The following ETV1 variants were observed in gnomAD, a reference collection of about 807,000 sequenced individuals.
ETV1 encodes ETS variant transcription factor 1, also known as ETS translocation variant 1.
Under a neutral mutation model 62.3 loss-of-function variants are expected in ETV1, and 27 were observed. That is an observed-to-expected ratio of 0.43 (90% CI 0.32 to 0.60). ETV1 has a LOEUF of 0.60. Among genes scored for constraint, ETV1 ranks in the 20% least tolerant of loss-of-function variants. The pLI is 0.06. For missense variants in ETV1, 605 were observed against 605.8 expected (o/e 1.00, Z 0.01); for synonymous variants, 222 against 199.6 (o/e 1.11, Z -0.94).
intron 12 of ETV1, among the ~76,000 whole-genome samples, chr7:13,905,122 T>G (rs549521981): frequency 6.6e-6 from 1 of 151,952 alleles, no homozygotes; most frequent in African/African-American, 2.4e-5. Context: ...TTTCATACTT[T>G]CAGTACATTC....
chr7:13,974,813 TG>T (rs1322238901), intron 6 of ETV1: 7 of 152,388 alleles, frequency 4.6e-5, no homozygotes, highest in African/African-American at 1.7e-4. Context: ...CTGTTGGACT[TG>T]CTGAGTGTAA....
At chr7:13,955,785 G>T (rs868805968) in intron 6 of ETV1, among the ~76,000 whole-genome samples, 2 of 152,132 alleles carry the variant, frequency 1.3e-5, no homozygotes, top group East Asian at 1.9e-4. Flanking sequence ...AAGAATTTTT[G>T]AATTATATTA....
chr7:13,926,451 T>G (rs867355237), intron 9 of ETV1, among the ~76,000 whole-genome samples: 16 of 152,340 alleles, frequency 1.1e-4, no homozygotes, highest in South Asian at 2.1e-4. Context: ...CTGGACATTC[T>G]GAATTTGCAA....
chr7:13,989,414 G>A lies in ETV1; in HGVS notation c.-234C>T. The A allele has an allele frequency of 2.3e-6, 1 of 432,544 alleles. No individual in the cohort carries two copies. The highest frequency in any genetic ancestry group is 2.0e-5 in the African/African-American group (1 of 49,180). 26.8% of individuals were successfully genotyped at this position (432,544 alleles called of 1,614,324 possible). A position where few individuals can be genotyped will look rare whatever the true frequency, so the allele number is the denominator to read the frequency against. On this transcript the variant is annotated 5_prime_UTR_variant, in exon 2 of 14. Coordinates refer to ENST00000430479, the MANE Select transcript of ETV1 (RefSeq NM_004956.5). ...CCGGGCAGCTCTGATTCGCAAACGT[G>A]TGCAAAACTAGCAATGGCGATCAAC...
rs1781489995 is a variant in ETV1, at chr7:13,893,105, G to C, written c.*2761C>G. ...AAAAATTATTTTTACTTAGTTATTT[G>C]AGTATAAGTGTTTGTTGCAATTAAT... On this transcript the variant is annotated 3_prime_UTR_variant, in exon 14 of 14. Coordinates refer to ENST00000430479, the MANE Select transcript of ETV1 (RefSeq NM_004956.5). The C allele has an allele frequency of 4.3e-6, 1 of 232,608 alleles. No homozygotes were observed. The highest frequency in any genetic ancestry group is 8.5e-6 in the Non-Finnish European group (1 of 117,702). 14.4% of individuals were successfully genotyped at this position (232,608 alleles called of 1,614,324 possible).
rs1241767322 is a variant in ETV1, at chr7:13,896,700, G to GAAAGAAAGAAAGGAGAGAC, written c.1213-614_1213-613insGTCTCTCCTTTCTTTCTTT. Among the ~76,000 whole-genome samples, 187 of 136,072 alleles carry GAAAGAAAGAAAGGAGAGAC rather than the reference G, an allele frequency of 1.4e-3. 3 individuals carry two copies. Among genetic ancestry groups the GAAAGAAAGAAAGGAGAGAC allele is most frequent in the African/African-American group, 4.7e-3 (176 of 37,190 alleles). The allele number at this position is 136,072 out of a possible 152,430, so 89.3% of individuals were successfully genotyped here. On this transcript the variant is annotated intron_variant, in intron 13 of 13. Transcript: ENST00000430479. ...TAAAGAAAGAAAGAAAAGAGAGAGA[G>GAAAGAAAGAAAGGAGAGAC]AAAGAAAGAAAGGAGAGAGAAAGAA...
chr7:13,946,909 C>A (rs1788230540), intron 6 of ETV1, among the ~76,000 whole-genome samples: 1 of 152,226 alleles, frequency 6.6e-6, no homozygotes, highest in Non-Finnish European at 1.5e-5. Context: ...CGGCCTCAGC[C>A]TCCCAAGTAG....
chr7:13,909,566 G>C (rs969347029), intron 11 of ETV1, 66 bp downstream of exon 11: 12 of 1,168,996 alleles, frequency 1.0e-5, no homozygotes, highest in Admixed American at 7.2e-5. Flanking sequence ...ACTGTTTTCA[G>C]AAGAAGCGAA....
rs1781392108 is a variant in ETV1, at chr7:13,891,689, T to C, written c.*4177A>G. 1 of 232,006 alleles carries C rather than the reference T, an allele frequency of 4.3e-6. No individual in the cohort carries two copies. Among genetic ancestry groups the C allele is most frequent in the Non-Finnish European group, 8.5e-6 (1 of 117,412 alleles). 14.4% of individuals were successfully genotyped at this position (232,006 alleles called of 1,614,324 possible). A position where few individuals can be genotyped will look rare whatever the true frequency, so the allele number is the denominator to read the frequency against. On this transcript the variant is annotated 3_prime_UTR_variant, in exon 14 of 14. Transcript: ENST00000430479. The stretch of plus-strand genomic sequence containing the variant: ...ATTTTCTAGTATCATGCCCAACTAT[T>C]ACCATCTTTTTGAAACTTGATTTTT...
At chr7:13,989,787 T>C (rs1782882111), upstream of ETV1, 5 of 394,384 alleles carry the variant, frequency 1.3e-5, no homozygotes, top group Admixed American at 2.2e-4. Flanking sequence ...TTTCGGGCTG[T>C]CAATCAGGCG....
chr7:13,918,980 C>T (rs190485641), intron 9 of ETV1, among the ~76,000 whole-genome samples: 1 of 151,830 alleles, frequency 6.6e-6, no homozygotes, highest in Non-Finnish European at 1.5e-5. Context: ...ATCCTCTAGC[C>T]CCAAATACTG....
At chr7:13,917,725 G>A (rs1784342219) in intron 9 of ETV1, among the ~76,000 whole-genome samples, 1 of 151,968 alleles carries the variant, frequency 6.6e-6, no homozygotes, top group African/African-American at 2.4e-5. Context: ...AGAACTTTGG[G>A]AGGCCAAGGT....
At chr7:13,944,116 A>G (rs1053174495) in intron 6 of ETV1, among the ~76,000 whole-genome samples, 3 of 152,222 alleles carry the variant, frequency 2.0e-5, no homozygotes, top group Non-Finnish European at 2.9e-5. Flanking sequence ...AGCAAAAGGC[A>G]TGATCCATGC....
At chr7:13,984,016 G>C (rs1373554585) in intron 5 of ETV1, among the ~76,000 whole-genome samples, 1 of 148,604 alleles carries the variant, frequency 6.7e-6, no homozygotes, top group Non-Finnish European at 1.5e-5. Context: ...TAGTCTTACA[G>C]AAAAAAAAAA....
chr7:13,988,734 C>G (rs1215564515), intron 3 of ETV1: 3 of 1,612,730 alleles, frequency 1.9e-6, no homozygotes, highest in South Asian at 1.1e-5. Context: ...AGTGCAGCAG[C>G]TGCTGCTGCC....
At chr7:13,947,809 A>T (rs1788350084) in intron 6 of ETV1, among the ~76,000 whole-genome samples, 1 of 152,184 alleles carries the variant, frequency 6.6e-6, no homozygotes, top group South Asian at 2.1e-4. Context: ...AGGTCCTGAG[A>T]GGGTGAAGGA....
intron 6 of ETV1, among the ~76,000 whole-genome samples, chr7:13,954,772 G>T (rs1215070742): frequency 6.6e-6 from 1 of 152,144 alleles, no homozygotes; most frequent in African/African-American, 2.4e-5. Context: ...CTGAAGACAT[G>T]ATTGAGATCA....
intron 6 of ETV1, among the ~76,000 whole-genome samples, chr7:13,948,506 T>A (rs139454069): frequency 6.6e-6 from 1 of 152,210 alleles, no homozygotes; most frequent in Non-Finnish European, 1.5e-5. Flanking sequence ...GTCTTCTGTA[T>A]GCTGTTCTAG....
intron 6 of ETV1, among the ~76,000 whole-genome samples, chr7:13,950,081 C>G (rs1015171803): frequency 2.0e-5 from 3 of 152,048 alleles, no homozygotes; most frequent in Non-Finnish European, 4.4e-5. Flanking sequence ...TAAACTGAAG[C>G]AGACATTAGA....
Sources: gnomAD v4.1 joint callset for allele counts (sites outside exome capture counted in the v4.1 genomes callset) on GRCh38, gnomAD v4.1.1 for gene constraint, MANE v1.5 for transcripts, NCBI Gene and HGNC (gene_info 2026-07-23, HGNC 2026-07-21) for gene names.